Variants in LRBA observed in about 807,000 individuals in gnomAD.
LRBA encodes the protein LPS responsive beige-like anchor protein.
In LRBA, 176 loss-of-function variants were observed where a neutral mutation model predicts 330.0. That is an observed-to-expected ratio of 0.53 (90% CI 0.47 to 0.60). LRBA has a LOEUF of 0.60. Among genes scored for constraint, LRBA ranks in the 20% least tolerant of loss-of-function variants. The probability of loss-of-function intolerance (pLI) is 0.00; values close to 1 mark genes in which losing one functional copy is unlikely to be tolerated. For missense variants in LRBA, 3,259 were observed against 3,444.8 expected (o/e 0.95, Z 1.35); for synonymous variants, 1,230 against 1,193.0 (o/e 1.03, Z -0.64).
intron 37 of LRBA, among the ~76,000 whole-genome samples, chr4:150,654,633 G>A (rs2126783630): frequency 6.6e-6 from 1 of 152,232 alleles, no homozygotes; most frequent in East Asian, 1.9e-4. Context: ...ATGTTGGTGT[G>A]CTGCACCTAT....
intron 2 of LRBA, among the ~76,000 whole-genome samples, chr4:150,969,229 C>G (rs1160574503): frequency 6.6e-6 from 1 of 152,220 alleles, no homozygotes; most frequent in Admixed American, 6.5e-5. Flanking sequence ...GTAATTTCAA[C>G]TTTCAAATCT....
intron 47 of LRBA, among the ~76,000 whole-genome samples, chr4:150,353,133 T>C (rs1401825394): frequency 6.6e-6 from 1 of 152,162 alleles, no homozygotes; most frequent in East Asian, 1.9e-4. Context: ...CGAAAAGCTC[T>C]ACTATAATAG....
At chr4:150,468,860 T>G (rs1755763917) in intron 43 of LRBA, among the ~76,000 whole-genome samples, 1 of 152,042 alleles carries the variant, frequency 6.6e-6, no homozygotes, top group Non-Finnish European at 1.5e-5. Flanking sequence ...TTTACTCTAT[T>G]CATCTTAGGC....
chr4:150,709,624 C>T (rs994817972), intron 36 of LRBA, among the ~76,000 whole-genome samples: 3 of 151,848 alleles, frequency 2.0e-5, no homozygotes, highest in African/African-American at 7.2e-5. Context: ...TTACTGAGCA[C>T]CTACTATGTA....
Position 150,845,304 on chromosome 4 carries a change from G to A in LRBA, c.4340-525C>T, listed in dbSNP as rs77016813. ...ATGATATTAATTGAGACTAATAGAG[G>A]ATATAGCTTTTGAAAGAAGCTTTAT... On this transcript the variant is annotated intron_variant, in intron 26 of 56. Transcript: ENST00000651943. 4.4e-3 allele frequency among the ~76,000 whole-genome samples: 672 copies of A among 152,202 alleles called. 8 individuals are homozygous for A. The highest frequency in any genetic ancestry group is 0.015 in the African/African-American group (641 of 41,542).
chr4:150,356,963 A>G (rs959533605), intron 47 of LRBA, among the ~76,000 whole-genome samples: 1 of 152,010 alleles, frequency 6.6e-6, no homozygotes, highest in Admixed American at 6.6e-5. Flanking sequence ...CCAAGAAAGT[A>G]AAAATGGAGG....
chr4:150,633,798 C>T (rs1370551719), intron 37 of LRBA, among the ~76,000 whole-genome samples: 1 of 152,146 alleles, frequency 6.6e-6, no homozygotes, highest in African/African-American at 2.4e-5. Context: ...TCTTCTGGTC[C>T]TTGTACTCAG....
intron 2 of LRBA, among the ~76,000 whole-genome samples, chr4:150,953,508 T>C (rs977823277): frequency 5.3e-5 from 8 of 152,004 alleles, no homozygotes; most frequent in Admixed American, 2.6e-4. Flanking sequence ...GGATTGCAGG[T>C]GCGCACCGCC....
chr4:150,466,597 C>T (rs1755480424), intron 44 of LRBA, among the ~76,000 whole-genome samples: 1 of 151,950 alleles, frequency 6.6e-6, no homozygotes, highest in Admixed American at 6.6e-5. Flanking sequence ...GAATAAAGGA[C>T]CAACACTGGG....
intron 36 of LRBA, among the ~76,000 whole-genome samples, chr4:150,704,586 A>T (rs1785435583): frequency 1.3e-5 from 2 of 152,164 alleles, no homozygotes; most frequent in Non-Finnish European, 2.9e-5. Flanking sequence ...TGCCAATAAC[A>T]ATAGATTTGG....
intron 21 of LRBA, 28 bp downstream of exon 21, chr4:150,868,154 C>A: frequency 1.9e-6 from 3 of 1,582,982 alleles, no homozygotes; most frequent in Middle Eastern, 1.7e-4. Context: ...TTGAATACTG[C>A]AAATAAATGC....
chr4:150,427,590 G>C (rs1749811043), intron 46 of LRBA, among the ~76,000 whole-genome samples: 1 of 151,486 alleles, frequency 6.6e-6, no homozygotes, highest in Admixed American at 6.6e-5. Flanking sequence ...AAGGAAGGAG[G>C]GAAGATAGGA....
At chr4:150,921,314 T>G (rs372255428) in intron 4 of LRBA, 21 bp from the exon 5 acceptor site, 11 of 1,377,416 alleles carry the variant, frequency 8.0e-6, no homozygotes, top group Non-Finnish European at 1.0e-5. Context: ...AATTAACAAT[T>G]CATTAACCAC....
At chr4:151,008,723 C>T (rs1014319230) in intron 2 of LRBA, among the ~76,000 whole-genome samples, 2 of 151,534 alleles carry the variant, frequency 1.3e-5, no homozygotes, top group South Asian at 2.1e-4. Flanking sequence ...GCCTGTAATC[C>T]GAGCACTTTG....
chr4:150,974,254 TCAGA>T (rs1285174655), intron 2 of LRBA, among the ~76,000 whole-genome samples: 1 of 152,128 alleles, frequency 6.6e-6, no homozygotes, highest in African/African-American at 2.4e-5. Flanking sequence ...AGATCAGAGT[TCAGA>T]GAGAATGAGA....
chr4:150,825,055 C>T (rs1746021425), intron 30 of LRBA, among the ~76,000 whole-genome samples: 1 of 150,254 alleles, frequency 6.7e-6, no homozygotes, highest in African/African-American at 2.5e-5. Flanking sequence ...TGAGTCACTG[C>T]ACCCAGACAA....
At chr4:150,750,476 C>T (rs2126381626) in intron 35 of LRBA, among the ~76,000 whole-genome samples, 1 of 152,248 alleles carries the variant, frequency 6.6e-6, no homozygotes, top group East Asian at 1.9e-4. Context: ...AAGACCTTTA[C>T]TTTATGTCAA....
At chr4:150,986,073 A>G (rs1358733153) in intron 2 of LRBA, among the ~76,000 whole-genome samples, 1 of 152,146 alleles carries the variant, frequency 6.6e-6, no homozygotes, top group Non-Finnish European at 1.5e-5. Flanking sequence ...TTACAGTCAC[A>G]CAGGCAAATT....
intron 28 of LRBA, among the ~76,000 whole-genome samples, chr4:150,833,091 A>T (rs1747439347): frequency 6.6e-6 from 1 of 152,056 alleles, no homozygotes. Context: ...GGAATTCTTG[A>T]GAGTATTTAA....
Sources: allele counts gnomAD v4.1 joint callset (sites outside exome capture counted in the v4.1 genomes callset), GRCh38; gene constraint gnomAD v4.1.1; transcripts MANE v1.5; gene names NCBI Gene and HGNC (gene_info 2026-07-23, HGNC 2026-07-21).